The following CADPS variants were observed in gnomAD, a reference collection of about 807,000 sequenced individuals.
CADPS encodes the protein calcium-dependent secretion activator 1.
CADPS carries 57 observed loss-of-function variants against 167.3 expected under a neutral mutation model. The observed-to-expected ratio is 0.34, with a 90% CI of 0.28 to 0.42. The LOEUF (loss-of-function observed/expected upper bound fraction) is 0.42. CADPS is among the 20% of genes least tolerant of loss of function. The probability of loss-of-function intolerance (pLI) is 1.00; values close to 1 mark genes in which losing one functional copy is unlikely to be tolerated. For missense variants in CADPS, 1,414 were observed against 1,738.1 expected (o/e 0.81, Z 3.32); for synonymous variants, 676 against 635.3 (o/e 1.06, Z -0.96).
At chr3:62,501,828 C>G (rs763165695) in intron 17 of CADPS, among the ~76,000 whole-genome samples, 33 of 152,168 alleles carry the variant, frequency 2.2e-4, no homozygotes, top group Non-Finnish European at 3.2e-4. Context: ...ATAGGCAGTA[C>G]TCTTAGATTG....
intron 3 of CADPS, among the ~76,000 whole-genome samples, chr3:62,740,191 T>C (rs538121816): frequency 6.6e-6 from 1 of 152,322 alleles, no homozygotes; most frequent in Non-Finnish European, 1.5e-5. Flanking sequence ...TTCATTTGTA[T>C]CACGCAGAGG....
intron 24 of CADPS, chr3:62,467,301 C>G: frequency 7.9e-7 from 1 of 1,258,010 alleles, no homozygotes; most frequent in Non-Finnish European, 1.0e-6. Context: ...CACTTACCCA[C>G]ATTTTAGCAA....
chr3:62,846,771 C>A (rs962130130), intron 1 of CADPS, among the ~76,000 whole-genome samples: 1 of 152,074 alleles, frequency 6.6e-6, no homozygotes, highest in Non-Finnish European at 1.5e-5. Flanking sequence ...TCGAGCAATT[C>A]TTTTGATTCA....
intron 5 of CADPS, among the ~76,000 whole-genome samples, chr3:62,648,142 GC>G (rs2069018235): frequency 1.3e-5 from 2 of 152,244 alleles, no homozygotes; most frequent in Admixed American, 1.3e-4. Flanking sequence ...CTTCTTGCCT[GC>G]CCTCATTGTG....
chr3:62,799,922 A>T (rs2093664933), intron 1 of CADPS, among the ~76,000 whole-genome samples: 1 of 152,214 alleles, frequency 6.6e-6, no homozygotes, highest in African/African-American at 2.4e-5. Context: ...AAGTAGAGAT[A>T]GAGCTTCTCT....
intron 6 of CADPS, among the ~76,000 whole-genome samples, chr3:62,628,384 G>C (rs1036275916): frequency 1.3e-5 from 2 of 152,114 alleles, no homozygotes; most frequent in African/African-American, 2.4e-5. Flanking sequence ...TCTTAATATA[G>C]AGATAACTGA....
rs187631305 is a variant in CADPS, at chr3:62,644,441, G to T, written c.1325+1281C>A. On this transcript the variant is annotated intron_variant, in intron 6 of 29. Coordinates refer to ENST00000383710, the MANE Select transcript of CADPS (RefSeq NM_003716.4). The stretch of plus-strand genomic sequence containing the variant: ...TGAATGAACCCATTATTGCTCCTGT[G>T]GACCGCTGAAACAGTACCCTAACTG... Among the ~76,000 whole-genome samples the T allele has an allele frequency of 2.3e-3, 353 of 152,196 alleles. 1 individual carries two copies. Among genetic ancestry groups the T allele is most frequent in the African/African-American group, 8.0e-3 (333 of 41,528 alleles).
chr3:62,584,005 CTT>C (rs34234122), intron 8 of CADPS, among the ~76,000 whole-genome samples: 1,336 of 123,280 alleles, frequency 0.011, 11 homozygotes, highest in South Asian at 0.018. Flanking sequence ...ACCCAATCCT[CTT>C]TTTTTTTTTT....
chr3:62,522,009 C>T (rs1421143325), intron 13 of CADPS, among the ~76,000 whole-genome samples: 2 of 152,142 alleles, frequency 1.3e-5, no homozygotes, highest in East Asian at 3.9e-4. Flanking sequence ...GTTCCAGCAG[C>T]TGTGCCTTGA....
intron 6 of CADPS, chr3:62,626,694 T>G (rs866591263): frequency 1.8e-5 from 10 of 555,440 alleles, no homozygotes; most frequent in Middle Eastern, 2.7e-4. Context: ...AGAATCAATC[T>G]AGAATTTACT....
At chr3:62,838,631 G>A (rs1008343749) in intron 1 of CADPS, among the ~76,000 whole-genome samples, 3 of 152,152 alleles carry the variant, frequency 2.0e-5, no homozygotes, top group South Asian at 4.1e-4. Context: ...CTGTGTAATT[G>A]TTAGTTTGTA....
At chr3:62,610,843 C>G (rs1159618807) in intron 6 of CADPS, among the ~76,000 whole-genome samples, 1 of 150,686 alleles carries the variant, frequency 6.6e-6, no homozygotes, top group Non-Finnish European at 1.5e-5. Flanking sequence ...GACCTTAGGC[C>G]TCTTCTTTTC....
intron 10 of CADPS, among the ~76,000 whole-genome samples, chr3:62,552,004 T>A (rs1305100511): frequency 6.6e-6 from 1 of 152,112 alleles, no homozygotes; most frequent in African/African-American, 2.4e-5. Context: ...TTTTTGTCTA[T>A]TTTGCTTACT....
chr3:62,544,929 C>A lies in CADPS; in HGVS notation c.1966+4974G>T. 1 of 971,168 alleles carries A rather than the reference C, an allele frequency of 1.0e-6. No homozygotes were observed. Among genetic ancestry groups the A allele is most frequent in the Non-Finnish European group, 1.3e-6 (1 of 754,622 alleles). 60.2% of individuals were successfully genotyped at this position (971,168 alleles called of 1,614,324 possible). A position where few individuals can be genotyped will look rare whatever the true frequency, so the allele number is the denominator to read the frequency against. ...AGACTAGCAACAAGGCTCAGGAAAG[C>A]AGACAGGAGTTCTAACCTAGCAGCC... is the stretch of plus-strand genomic sequence containing the variant. On this transcript the variant is annotated intron_variant, in intron 11 of 29. Transcript: ENST00000383710. The surrounding 1 kb of genome is among the most constrained non-coding windows in gnomAD (Gnocchi z 4.4).
intron 3 of CADPS, among the ~76,000 whole-genome samples, chr3:62,724,151 A>G (rs778208147): frequency 6.6e-6 from 1 of 152,232 alleles, no homozygotes; most frequent in Non-Finnish European, 1.5e-5. Flanking sequence ...ATGATGCTGC[A>G]GCAGGGCTCA....
chr3:62,704,222 G>C (rs548109046), intron 3 of CADPS, among the ~76,000 whole-genome samples: 1 of 152,284 alleles, frequency 6.6e-6, no homozygotes, highest in South Asian at 2.1e-4. Context: ...TAGGGTTTGA[G>C]ACAGTAGTTT....
At chr3:62,784,950 G>T (rs2092273813) in intron 1 of CADPS, among the ~76,000 whole-genome samples, 1 of 152,060 alleles carries the variant, frequency 6.6e-6, no homozygotes, top group South Asian at 2.1e-4. Context: ...TTACTGTTAG[G>T]GTTTCAGGTG....
At chr3:62,400,528 CT>C (rs1334367756) in intron 29 of CADPS, among the ~76,000 whole-genome samples, 1 of 151,472 alleles carries the variant, frequency 6.6e-6, no homozygotes, top group Non-Finnish European at 1.5e-5. Flanking sequence ...ATATAGGAAA[CT>C]TGCTAAAGGG....
chr3:62,847,474 T>C (rs1483079135), intron 1 of CADPS, among the ~76,000 whole-genome samples: 2 of 99,066 alleles, frequency 2.0e-5, no homozygotes, highest in South Asian at 4.7e-4. Context: ...TTCCCCTTCC[T>C]GTGTCCATGT....
Sources: allele counts gnomAD v4.1 joint callset (sites outside exome capture counted in the v4.1 genomes callset), GRCh38; gene constraint gnomAD v4.1.1; non-coding constraint Gnocchi (gnomAD v3.1); transcripts MANE v1.5; gene names NCBI Gene and HGNC (gene_info 2026-07-23, HGNC 2026-07-21).